Variants in EVL observed in about 807,000 individuals in gnomAD.
EVL encodes ena/VASP-like protein.
Under a neutral mutation model 59.6 loss-of-function variants are expected in EVL, and 21 were observed. That is an observed-to-expected ratio of 0.35 (90% CI 0.25 to 0.51). The LOEUF is 0.51. EVL is among the 20% of genes least tolerant of loss of function. The probability of loss-of-function intolerance (pLI) is 0.97; values close to 1 mark genes in which losing one functional copy is unlikely to be tolerated. For missense variants in EVL, 462 were observed against 546.6 expected, an observed-to-expected ratio of 0.85 and a Z score of 1.54; for synonymous variants, 198 against 203.5, an observed-to-expected ratio of 0.97 and a Z score of 0.23.
intron 3 of EVL, among the ~76,000 whole-genome samples, chr14:100,118,471 G>T (rs546287835): frequency 6.6e-6 from 1 of 152,252 alleles, no homozygotes; most frequent in Non-Finnish European, 1.5e-5. Flanking sequence ...GGAGCAGCCT[G>T]TGAAGGGCAC....
intron 1 of EVL, among the ~76,000 whole-genome samples, chr14:100,018,028 T>C (rs76336117): frequency 0.038 from 5,803 of 152,278 alleles, 153 homozygotes; most frequent in African/African-American, 0.062. Flanking sequence ...GCAAAAGAGG[T>C]TCATTCAGCA....
At chr14:100,066,842 C>T (rs1336833845) in intron 1 of EVL, among the ~76,000 whole-genome samples, 1 of 152,206 alleles carries the variant, frequency 6.6e-6, no homozygotes, top group African/African-American at 2.4e-5. Flanking sequence ...AGGTGATCTA[C>T]AGTAGATAAG....
intron 1 of EVL, among the ~76,000 whole-genome samples, chr14:100,075,745 T>C (rs866036815): frequency 6.6e-6 from 1 of 152,134 alleles, no homozygotes; most frequent in African/African-American, 2.4e-5. Context: ...GGGGTGGGGT[T>C]TGGGGGGCAG....
chr14:100,100,484 G>A (rs1003399510), intron 3 of EVL, among the ~76,000 whole-genome samples: 5 of 152,158 alleles, frequency 3.3e-5, no homozygotes, highest in Non-Finnish European at 7.3e-5. Context: ...ACGTGTGTGC[G>A]CAGTTCCCAG....
chr14:100,113,577 A>G (rs1011761264), intron 3 of EVL, among the ~76,000 whole-genome samples: 5 of 152,084 alleles, frequency 3.3e-5, no homozygotes, highest in African/African-American at 1.2e-4. Flanking sequence ...GATTTGGGCT[A>G]GGAGGAGGGA....
At chr14:100,142,151 G>T (rs1482885432) in intron 13 of EVL, 1 of 181,194 alleles carries the variant, frequency 5.5e-6, no homozygotes, top group Admixed American at 5.7e-5. Context: ...ACCCCCTGGC[G>T]GTTTATACTG....
intron 1 of EVL, among the ~76,000 whole-genome samples, chr14:100,074,336 A>T (rs570325598): frequency 3.4e-4 from 52 of 152,330 alleles, no homozygotes; most frequent in African/African-American, 1.2e-3. Context: ...GTCTTGCCTC[A>T]TATGGATTTG....
At chr14:100,082,166 CT>C (rs1475750885) in intron 1 of EVL, among the ~76,000 whole-genome samples, 1 of 151,970 alleles carries the variant, frequency 6.6e-6, no homozygotes, top group East Asian at 1.9e-4. Flanking sequence ...AAAGCCTCCC[CT>C]GTCCCCCCCT....
At chr14:100,007,805 CAG>C (rs1474980032) in intron 1 of EVL, among the ~76,000 whole-genome samples, 2 of 151,928 alleles carry the variant, frequency 1.3e-5, no homozygotes, top group East Asian at 2.0e-4. Flanking sequence ...GAGAGACAGA[CAG>C]AGACAGAGAG....
At chr14:100,048,711 G>A (rs2061596294) in intron 1 of EVL, among the ~76,000 whole-genome samples, 1 of 152,042 alleles carries the variant, frequency 6.6e-6, no homozygotes, top group South Asian at 2.1e-4. Flanking sequence ...TAAACAACTT[G>A]TAATACGTCC....
Position 100,128,745 on chromosome 14 carries a change from A to G in EVL, c.714A>G (p.Gln238=), listed in dbSNP as rs373669362. ...CTGGGGCCAAGCTGAGAAGAGTCCAACGGGTAAGAGCTCCTGTGTGCGGGG... is the reference window on the plus strand; with the variant it reads ...CTGGGGCCAAGCTGAGAAGAGTCCAGCGGGTAAGAGCTCCTGTGTGCGGGG... ...AIAGAKLRRV[Q]RPEDASGGSS... The change falls in exon 6 of 14, where the codon CAA becomes CAG. Residue 238 remains glutamine, a synonymous_variant. Coordinates refer to ENST00000392920, the MANE Select transcript of EVL (RefSeq NM_016337.3). 1.8e-5 allele frequency: 29 copies of G among 1,604,078 alleles called. No individual in the cohort carries two copies. Among genetic ancestry groups the G allele is most frequent in the African/African-American group, 2.7e-5 (2 of 75,016 alleles).
Position 100,124,685 on chromosome 14 carries a change from G to A in EVL, c.422+1083G>A, listed in dbSNP as rs554191413. On this transcript the variant is annotated intron_variant, in intron 4 of 13. Coordinates refer to ENST00000392920, the MANE Select transcript of EVL (RefSeq NM_016337.3). Reference sequence around the variant, plus strand: ...CCAAGGCTGGTCCCACCCACAAAAGGGCGTGAAGGAGTGAGCCACCAGACG... The same window carrying A: ...CCAAGGCTGGTCCCACCCACAAAAGAGCGTGAAGGAGTGAGCCACCAGACG... Among the ~76,000 whole-genome samples the A allele has an allele frequency of 4.4e-4, 67 of 152,346 alleles. No homozygotes were observed. In the East Asian group the frequency reaches 5.2e-3, roughly 12 times the overall value.
chr14:100,051,050 T>C (rs2061640116), intron 1 of EVL, among the ~76,000 whole-genome samples: 1 of 152,216 alleles, frequency 6.6e-6, no homozygotes. Flanking sequence ...CCCAGCCTTA[T>C]TATTTTTACT....
At chr14:100,050,774 A>G (rs1199264306) in intron 1 of EVL, among the ~76,000 whole-genome samples, 1 of 132,072 alleles carries the variant, frequency 7.6e-6, no homozygotes, top group East Asian at 2.2e-4. Flanking sequence ...ATTGGGTCTC[A>G]CTCTGTCCCC....
At chr14:99,982,829 C>T (rs1247050423) in intron 1 of EVL, among the ~76,000 whole-genome samples, 3 of 152,172 alleles carry the variant, frequency 2.0e-5, no homozygotes, top group Non-Finnish European at 2.9e-5. Context: ...TACTGAGCAG[C>T]CTGGGTTTTA....
At chr14:100,069,311 C>T (rs2062000135) in intron 1 of EVL, among the ~76,000 whole-genome samples, 1 of 152,180 alleles carries the variant, frequency 6.6e-6, no homozygotes, top group Non-Finnish European at 1.5e-5. Flanking sequence ...GCTGTGGCTG[C>T]TTGGGCACAG....
intron 8 of EVL, among the ~76,000 whole-genome samples, chr14:100,133,618 T>G (rs891826933): frequency 2.6e-5 from 4 of 152,194 alleles, no homozygotes; most frequent in Non-Finnish European, 4.4e-5. Flanking sequence ...CAGCCTGCAC[T>G]TCCCTGCATC....
intron 1 of EVL, among the ~76,000 whole-genome samples, chr14:100,070,145 A>C (rs1232198045): frequency 6.6e-6 from 1 of 152,112 alleles, no homozygotes; most frequent in Non-Finnish European, 1.5e-5. Context: ...CCTGAAGCCT[A>C]TAGTCCCAAC....
chr14:100,131,377 TCAGGTGCTCTCTGAAATC>T (rs1358138827), intron 7 of EVL, among the ~76,000 whole-genome samples: 2 of 152,120 alleles, frequency 1.3e-5, no homozygotes, highest in African/African-American at 4.8e-5. Context: ...CAGGGATCAA[TCAGGTGCTCTCTGAAATC>T]CACCTCAGTG....
Sources: allele counts gnomAD v4.1 joint callset (sites outside exome capture counted in the v4.1 genomes callset), GRCh38; gene constraint gnomAD v4.1.1; transcripts MANE v1.5; gene names NCBI Gene and HGNC (gene_info 2026-07-23, HGNC 2026-07-21).